The following C1orf141 variants were observed in gnomAD, a reference collection of about 807,000 sequenced individuals.
C1orf141 encodes uncharacterized protein C1orf141.
A neutral mutation model predicts 23.2 loss-of-function variants in C1orf141; 19 were observed. The observed-to-expected ratio is 0.82, with a 90% confidence interval of 0.57 to 1.20. C1orf141 has a LOEUF of 1.20. Among genes scored for constraint, C1orf141 ranks in the 50% most tolerant of loss-of-function variants. The probability of loss-of-function intolerance (pLI) is 0.00; values close to 1 mark genes in which losing one functional copy is unlikely to be tolerated. For missense variants in C1orf141, 469 were observed against 455.1 expected, an observed-to-expected ratio of 1.03 and a Z score of -0.28; for synonymous variants, 153 against 154.6, an observed-to-expected ratio of 0.99 and a Z score of 0.08.
chr1:67,096,502 G>C (rs1036253504), intron 5 of C1orf141, among the ~76,000 whole-genome samples, 181 bp from the exon 6 acceptor site: 1 of 152,168 alleles, frequency 6.6e-6, no homozygotes, highest in Non-Finnish European at 1.5e-5. Context: ...GGAAAAGACT[G>C]AGATCGAAGC....
chr1:67,117,061 G>A (rs573754791), intron 4 of C1orf141, among the ~76,000 whole-genome samples: 2 of 152,084 alleles, frequency 1.3e-5, no homozygotes. Flanking sequence ...CTATTTATGT[G>A]TTTTATTCAC....
At position 67,093,128 on chromosome 1, in the gene C1orf141, G is replaced by A; in HGVS notation, c.1080C>T (p.Pro360=). The change falls in exon 8 of 8, where the codon CCC becomes CCT. Residue 360 remains proline (P), a synonymous_variant. Transcript: ENST00000684719. The part of the protein sequence containing the change: ...MFSAGKPTSI[P]TSSALPVKCY... ...ATTTGACAGGTAAGGCACTGGATGT[G>A]GGTATGCTCGTTGGTTTTCCTGCAG... The A allele has an allele frequency of 6.2e-7, 1 of 1,613,908 alleles. No individual in the cohort carries two copies. Among genetic ancestry groups the A allele is most frequent in the Non-Finnish European group, 8.5e-7 (1 of 1,179,878 alleles).
rs1000477851 is a variant in C1orf141, at chr1:67,125,980, G to C, written c.76-71C>G. On this transcript the variant is annotated intron_variant, in intron 3 of 7. Transcript: ENST00000684719. ...TTTTATATGGGGAAAATCTTAGGTGGAAAGAAAAAAAATCTCACTTTACAC... is the reference window on the plus strand; with the variant it reads ...TTTTATATGGGGAAAATCTTAGGTGCAAAGAAAAAAAATCTCACTTTACAC... 8 of 1,416,290 alleles carry C rather than the reference G, an allele frequency of 5.6e-6. No individual in the cohort carries two copies. In the African/African-American group the frequency reaches 1.2e-4, roughly 21 times the overall value. 87.7% of individuals were successfully genotyped at this position (1,416,290 alleles called of 1,614,324 possible).
At chr1:67,136,416 C>T (rs1198141656), upstream of C1orf141, among the ~76,000 whole-genome samples, 1 of 152,114 alleles carries the variant, frequency 6.6e-6, no homozygotes, top group Non-Finnish European at 1.5e-5. Context: ...GAATTGATAA[C>T]TGGAATCTAG....
intron 2 of C1orf141, among the ~76,000 whole-genome samples, chr1:67,127,968 T>C (rs1240416188): frequency 1.3e-5 from 2 of 152,058 alleles, no homozygotes; most frequent in African/African-American, 4.8e-5. Flanking sequence ...TGTTTTCTTT[T>C]TGTCATGATA....
rs760865676 is a variant in C1orf141, at chr1:67,101,487, T to TGTGTGA, written c.347-5167_347-5166insTCACAC. Reference sequence around the variant, plus strand: ...GTGTGTGTGTGTGTGTGTGTGTGTGTGATGGAGTAGGTGGTTATAACAGGG... The same window carrying TGTGTGA: ...GTGTGTGTGTGTGTGTGTGTGTGTGTGTGTGAGATGGAGTAGGTGGTTATAACAGGG... On this transcript the variant is annotated intron_variant, in intron 5 of 7. Coordinates refer to ENST00000684719, the MANE Select transcript of C1orf141 (RefSeq NM_001276351.2). 2.5e-3 allele frequency among the ~76,000 whole-genome samples: 371 copies of TGTGTGA among 150,542 alleles called. 2 individuals are homozygous for TGTGTGA. The highest frequency in any genetic ancestry group is 4.0e-3 in the African/African-American group (164 of 40,870).
intron 4 of C1orf141, chr1:67,122,272 G>C (rs1312831684): frequency 1.3e-5 from 2 of 152,344 alleles, no homozygotes; most frequent in African/African-American, 4.8e-5. Flanking sequence ...CCTGACCTCA[G>C]GTGATCAGGC....
intron 2 of C1orf141, among the ~76,000 whole-genome samples, chr1:67,129,931 T>C (rs1646487099): frequency 6.6e-6 from 1 of 152,238 alleles, no homozygotes; most frequent in Non-Finnish European, 1.5e-5. Flanking sequence ...TCTGTGTGTA[T>C]GCCCTAATTG....
chr1:67,119,046 G>A (rs1057422457), intron 4 of C1orf141, among the ~76,000 whole-genome samples: 2 of 152,208 alleles, frequency 1.3e-5, no homozygotes, highest in African/African-American at 4.8e-5. Flanking sequence ...TTTGGAATTT[G>A]TTAATGGGTA....
Position 67,093,268 on chromosome 1 carries a change from G to C in C1orf141, c.940C>G (p.Leu314Val), listed in dbSNP as rs776456150. The C allele has an allele frequency of 1.9e-6, 3 of 1,613,668 alleles. No individual in the cohort carries two copies. Among genetic ancestry groups the C allele is most frequent in the Admixed American group, 3.3e-5 (2 of 60,002 alleles). ...GAAAAATTCTGTGAGAAATTATAGA[G>C]TGTATTCCAAGATCTGTTTTCTAGT... Reference protein sequence around the residue: ...QTLENRSWNTLYNFSQNFSSL... With the variant: ...QTLENRSWNTVYNFSQNFSSL... Residue 314 changes from leucine to valine, a missense_variant, in exon 8 of 8, where the codon CTC becomes GTC. Transcript: ENST00000684719.
At chr1:67,124,068 C>G (rs1397139013) in intron 4 of C1orf141, 4 of 152,146 alleles carry the variant, frequency 2.6e-5, no homozygotes, top group South Asian at 2.1e-4. Flanking sequence ...TCAAATCCAG[C>G]CTTTCAATTT....
chr1:67,126,027 G>T (rs1448960301), intron 3 of C1orf141, 118 bp from the exon 4 acceptor site: 3 of 1,126,010 alleles, frequency 2.7e-6, no homozygotes, highest in Non-Finnish European at 2.4e-6. Flanking sequence ...CAGAATTTAG[G>T]TGGCAGGCAA....
intron 5 of C1orf141, among the ~76,000 whole-genome samples, chr1:67,101,487 T>TGTGTGTGTGTGTGA (rs760865676): frequency 4.6e-5 from 7 of 150,552 alleles, no homozygotes; most frequent in African/African-American, 1.5e-4. Context: ...TGTGTGTGTG[T>TGTGTGTGTGTGTGA]GATGGAGTAG....
chr1:67,120,731 C>T (rs1310191640), intron 4 of C1orf141, among the ~76,000 whole-genome samples: 2 of 152,180 alleles, frequency 1.3e-5, no homozygotes, highest in Non-Finnish European at 2.9e-5. Context: ...ACTTCCTAGC[C>T]TTTAGAACTA....
intron 1 of C1orf141, among the ~76,000 whole-genome samples, chr1:67,132,607 C>T (rs1350174297): frequency 6.6e-6 from 1 of 152,096 alleles, no homozygotes; most frequent in Non-Finnish European, 1.5e-5. Context: ...ACTTATCCAC[C>T]TCCGACTCTC....
In C1orf141 at chr1:67,115,363, CT is replaced by C. The variant is rs1194880562; in HGVS notation, c.334del (p.Ser112ValfsTer21). 3 of 1,197,892 alleles carry C rather than the reference CT, an allele frequency of 2.5e-6. No individual in the cohort carries two copies. Among genetic ancestry groups the C allele is most frequent in the Non-Finnish European group, 3.7e-6 (3 of 819,422 alleles). 74.2% of individuals were successfully genotyped at this position (1,197,892 alleles called of 1,614,324 possible). Reference sequence around the variant, plus strand: ...ACACAAAGCATTACCTGTTGACTCACTTTCTTTATTTTTTACATTTGTTTGA... The same window carrying C: ...ACACAAAGCATTACCTGTTGACTCACTTCTTTATTTTTTACATTTGTTTGA... ...FIQTNVKNKE[S>X]ESTAQIEKKP... On this transcript the variant is annotated frameshift_variant, in exon 5 of 8. Transcript: ENST00000684719. LOFTEE classifies it high-confidence loss of function.
chr1:67,118,778 C>T (rs1012633414), intron 4 of C1orf141, among the ~76,000 whole-genome samples: 3 of 152,204 alleles, frequency 2.0e-5, no homozygotes, highest in African/African-American at 7.2e-5. Context: ...CTGTATTTGC[C>T]TTTCTCTCTA....
intron 5 of C1orf141, among the ~76,000 whole-genome samples, chr1:67,099,524 A>G (rs1645753581): frequency 6.6e-6 from 1 of 152,232 alleles, no homozygotes; most frequent in African/African-American, 2.4e-5. Flanking sequence ...TCACGCCTGT[A>G]ATCCCAGCAC....
chr1:67,137,318 A>G (rs917302723), upstream of C1orf141, among the ~76,000 whole-genome samples: 6 of 152,226 alleles, frequency 3.9e-5, no homozygotes, highest in African/African-American at 1.4e-4. Flanking sequence ...GGGCAGAGTC[A>G]GTCCCGAAAT....
Sources: allele counts gnomAD v4.1 joint callset (sites outside exome capture counted in the v4.1 genomes callset), GRCh38; gene constraint gnomAD v4.1.1; transcripts MANE v1.5; gene names NCBI Gene and HGNC (gene_info 2026-07-23, HGNC 2026-07-21).